Variants in KANSL1 observed in about 807,000 individuals in gnomAD.
The protein encoded by KANSL1 is KAT8 regulatory NSL complex subunit 1.
In KANSL1, 22 loss-of-function variants were observed where a neutral mutation model predicts 103.6. The observed-to-expected ratio is 0.21, with a 90% CI of 0.15 to 0.30. The LOEUF is 0.30. Ranked by LOEUF, KANSL1 falls within the 10% of genes least tolerant of loss-of-function variation. The probability of loss-of-function intolerance (pLI) is 1.00; values close to 1 mark genes in which losing one functional copy is unlikely to be tolerated. For synonymous variants in KANSL1, 600 were observed against 527.6 expected (o/e 1.14, Z -1.88); for missense variants, 1,337 against 1,399.8 (o/e 0.96, Z 0.72).
chr17:46,087,108 T>C lies in KANSL1; in HGVS notation c.1432-4566A>G, dbSNP rs1298181734. ...AGACAGAATCAACCAGCTATGCCAA[T>C]GTGCTTACAAGATAGGAGGGAAAAG... On this transcript the variant is annotated intron_variant, in intron 3 of 14. Transcript: ENST00000432791. Among the ~76,000 whole-genome samples, 7 of 152,182 alleles carry C rather than the reference T, an allele frequency of 4.6e-5. 1 individual carries two copies. The East Asian group carries it at 1.3e-3, about 29-fold the overall frequency.
chr17:46,195,175 A>G (rs1459745447), upstream of KANSL1, among the ~76,000 whole-genome samples: 2 of 152,378 alleles, frequency 1.3e-5, no homozygotes, highest in South Asian at 2.1e-4. Context: ...TAGAGCCCCA[A>G]TCTGAGGCTC....
At chr17:46,188,744 C>T (rs1235942597) in intron 1 of KANSL1, among the ~76,000 whole-genome samples, 1 of 152,072 alleles carries the variant, frequency 6.6e-6, no homozygotes, top group Non-Finnish European at 1.5e-5. Flanking sequence ...ATAAGACAAG[C>T]AAGGGGCCAG....
chr17:46,212,775 A>G, intron 1 of KANSL1, among the ~76,000 whole-genome samples: 1 of 152,216 alleles, frequency 6.6e-6, no homozygotes, highest in East Asian at 1.9e-4. Flanking sequence ...TTGCCAAAAT[A>G]TCTTTCAAAA....
At chr17:46,112,368 C>CAAAAA (rs34480982) in intron 2 of KANSL1, among the ~76,000 whole-genome samples, 3 of 51,074 alleles carry the variant, frequency 5.9e-5, no homozygotes, top group African/African-American at 2.7e-4. Flanking sequence ...AACTCTGTCT[C>CAAAAA]AAAAAAAAAA....
chr17:46,129,642 G>A (rs566422295), intron 2 of KANSL1, among the ~76,000 whole-genome samples: 1 of 152,156 alleles, frequency 6.6e-6, no homozygotes, highest in Non-Finnish European at 1.5e-5. Flanking sequence ...AATATATTTA[G>A]CAAGCAAAGT....
rs1282036143 is a variant in KANSL1, at chr17:46,031,305, C to A, written c.*171G>T. On this transcript the variant is annotated 3_prime_UTR_variant, in exon 15 of 15. Transcript: ENST00000432791. ...TGACAAGAAAACATGGAAACAAAAA[C>A]AAAACAAAAATTAAAACAAGAAAAA... 1.8e-5 allele frequency: 13 copies of A among 709,358 alleles called. No homozygotes were observed. Among genetic ancestry groups the A allele is most frequent in the Non-Finnish European group, 3.0e-5 (13 of 438,406 alleles). 43.9% of individuals were successfully genotyped at this position (709,358 alleles called of 1,614,324 possible). A position where few individuals can be genotyped will look rare whatever the true frequency, so the allele number is the denominator to read the frequency against.
intron 2 of KANSL1, among the ~76,000 whole-genome samples, chr17:46,154,973 T>C (rs2045336147): frequency 6.6e-6 from 1 of 152,156 alleles, no homozygotes; most frequent in Non-Finnish European, 1.5e-5. Context: ...AATCTCTCAA[T>C]TTTAGTTTCC....
At chr17:46,170,015 C>T (rs1392815257) in intron 2 of KANSL1, among the ~76,000 whole-genome samples, 3 of 152,144 alleles carry the variant, frequency 2.0e-5, no homozygotes, top group South Asian at 2.1e-4. Context: ...GTGGCGGGTA[C>T]CTGTAATCCC....
chr17:46,129,249 C>CA (rs1216194323), intron 2 of KANSL1, among the ~76,000 whole-genome samples: 1 of 152,064 alleles, frequency 6.6e-6, no homozygotes, highest in Non-Finnish European at 1.5e-5. Context: ...TACAGAATCA[C>CA]AATATTGGCA....
intron 2 of KANSL1, among the ~76,000 whole-genome samples, chr17:46,145,217 A>G (rs1472917772): frequency 1.3e-5 from 2 of 152,262 alleles, no homozygotes; most frequent in African/African-American, 4.8e-5. Flanking sequence ...ATATGACTTC[A>G]GAGCATGCCA....
chr17:46,148,889 T>C (rs2044893947), intron 2 of KANSL1, among the ~76,000 whole-genome samples: 1 of 145,550 alleles, frequency 6.9e-6, no homozygotes, highest in Non-Finnish European at 1.5e-5. Flanking sequence ...CCTGGCCTGT[T>C]GCTTACACTT....
chr17:46,186,061 C>T (rs1435741956), intron 1 of KANSL1, among the ~76,000 whole-genome samples: 2 of 151,964 alleles, frequency 1.3e-5, no homozygotes, highest in Non-Finnish European at 2.9e-5. Context: ...CTAAAATCAG[C>T]GACTTCTGGA....
intron 1 of KANSL1, among the ~76,000 whole-genome samples, chr17:46,183,967 C>A (rs1041114410): frequency 6.6e-6 from 1 of 152,178 alleles, no homozygotes; most frequent in Non-Finnish European, 1.5e-5. Flanking sequence ...ACAACTACTT[C>A]AAGCATCCCA....
intron 2 of KANSL1, among the ~76,000 whole-genome samples, chr17:46,138,752 GAT>G (rs2044276381): frequency 6.6e-6 from 1 of 152,220 alleles, no homozygotes; most frequent in Non-Finnish European, 1.5e-5. Flanking sequence ...ACAAAGATGA[GAT>G]AGTATTCCTC....
At chr17:46,073,879 C>T (rs185320424) in intron 4 of KANSL1, among the ~76,000 whole-genome samples, 185 of 152,016 alleles carry the variant, frequency 1.2e-3, no homozygotes, top group Admixed American at 2.5e-3. Context: ...TGAGACTATA[C>T]GGGTACTAGG....
At chr17:46,194,273 T>C (rs948508986), upstream of KANSL1, among the ~76,000 whole-genome samples, 2 of 152,214 alleles carry the variant, frequency 1.3e-5, no homozygotes, top group Admixed American at 6.5e-5. Context: ...ACACAATGAG[T>C]ATTTATGCTT....
At chr17:46,047,904 T>G in intron 7 of KANSL1, among the ~76,000 whole-genome samples, 1 of 139,726 alleles carries the variant, frequency 7.2e-6, no homozygotes. Context: ...ATCCCATCCC[T>G]TCCCCACTCC....
chr17:46,131,594 A>C (rs578149225), intron 2 of KANSL1, among the ~76,000 whole-genome samples: 6 of 152,358 alleles, frequency 3.9e-5, no homozygotes, highest in African/African-American at 9.6e-5. Flanking sequence ...GAATTACTGC[A>C]ATGTGAACAG....
intron 1 of KANSL1, chr17:46,192,599 G>C (rs1043601896): frequency 6.5e-6 from 1 of 153,068 alleles, no homozygotes; most frequent in East Asian, 1.9e-4. Context: ...GGCAGCTCCT[G>C]GGGAAGGGCC....
Sources: gnomAD v4.1 joint callset for allele counts (sites outside exome capture counted in the v4.1 genomes callset) on GRCh38, gnomAD v4.1.1 for gene constraint, MANE v1.5 for transcripts, NCBI Gene and HGNC (gene_info 2026-07-23, HGNC 2026-07-21) for gene names.